The following ZNF487 variants were observed in gnomAD, a reference collection of about 807,000 sequenced individuals.
The protein encoded by ZNF487 is KRAB domain only 1.
Under a neutral mutation model 3.0 loss-of-function variants are expected in ZNF487, and 4 were observed. That is an observed-to-expected ratio of 1.35 (90% CI 0.66 to 3.08). The LOEUF is 3.08. ZNF487 is among the 30% of genes most tolerant of loss of function. The pLI is 0.01. For synonymous variants in ZNF487, 55 were observed against 34.6 expected, an observed-to-expected ratio of 1.59 and a Z score of -2.06; for missense variants, 146 against 98.7, an observed-to-expected ratio of 1.48 and a Z score of -2.03.
In ZNF487 at chr10:43,438,698, A is replaced by G. The variant is rs568361503; in HGVS notation, c.-94+1436A>G. On this transcript the variant is annotated intron_variant, in intron 1 of 3. Transcript: ENST00000437590. ...CATGTTCATAGCAGCATTATTTGCAATAGTCAAAAGGGAGAGGTAACCCCA... is the reference window on the plus strand; with the variant it reads ...CATGTTCATAGCAGCATTATTTGCAGTAGTCAAAAGGGAGAGGTAACCCCA... Among the ~76,000 whole-genome samples the G allele has an allele frequency of 4.6e-5, 7 of 152,298 alleles. No homozygotes were observed. The East Asian group carries it at 7.7e-4, about 17-fold the overall frequency.
chr10:43,471,004 TG>T (rs1163366676), intron 1 of ZNF487, among the ~76,000 whole-genome samples: 3 of 152,082 alleles, frequency 2.0e-5, no homozygotes, highest in African/African-American at 7.2e-5. Context: ...TGTATTTTTT[TG>T]TAGAGACGGG....
At chr10:43,462,116 C>A (rs1424829064) in intron 1 of ZNF487, among the ~76,000 whole-genome samples, 1 of 152,108 alleles carries the variant, frequency 6.6e-6, no homozygotes. Context: ...CTTAACATGA[C>A]TTTCTTTTTT....
intron 1 of ZNF487, among the ~76,000 whole-genome samples, chr10:43,465,687 GCTC>G (rs892688515): frequency 3.3e-5 from 5 of 150,396 alleles, no homozygotes; most frequent in Non-Finnish European, 5.9e-5. Context: ...GGGCAGAGAC[GCTC>G]CTCACTTTCC....
At chr10:43,502,759 G>A in the ZNF487 span, among the ~76,000 whole-genome samples, 50 of 152,144 alleles carry the variant, frequency 3.3e-4, no homozygotes, top group Middle Eastern at 3.4e-3. Context: ...GGCCAGGTGC[G>A]GTGGCTCATG....
the ZNF487 span, among the ~76,000 whole-genome samples, chr10:43,507,517 C>T: frequency 3.3e-5 from 5 of 152,228 alleles, no homozygotes; most frequent in African/African-American, 9.6e-5. Flanking sequence ...CTGTTGTAGC[C>T]CACAACCGAG....
intron 1 of ZNF487, among the ~76,000 whole-genome samples, chr10:43,475,096 C>A (rs1841047212): frequency 6.6e-6 from 1 of 152,106 alleles, no homozygotes; most frequent in East Asian, 1.9e-4. Context: ...AGACCCTGGG[C>A]AGATTCCCTT....
At chr10:43,504,805 C>G in the ZNF487 span, among the ~76,000 whole-genome samples, 1 of 150,946 alleles carries the variant, frequency 6.6e-6, no homozygotes, top group Non-Finnish European at 1.5e-5. Context: ...CTCCTGGATT[C>G]AAGCAATTCT....
intron 3 of ZNF487, among the ~76,000 whole-genome samples, chr10:43,477,885 C>T (rs1415476184): frequency 6.6e-6 from 1 of 150,528 alleles, no homozygotes; most frequent in Non-Finnish European, 1.5e-5. Flanking sequence ...GGGCAGCAGA[C>T]GTTGGAGTGA....
At chr10:43,439,717 T>A (rs1839515117) in intron 1 of ZNF487, among the ~76,000 whole-genome samples, 2 of 151,760 alleles carry the variant, frequency 1.3e-5, no homozygotes, top group African/African-American at 4.8e-5. Context: ...AATAAATAAA[T>A]AAGTGAAAAT....
chr10:43,454,835 C>T (rs1840117642), intron 1 of ZNF487, among the ~76,000 whole-genome samples: 1 of 150,022 alleles, frequency 6.7e-6, no homozygotes, highest in South Asian at 2.1e-4. Context: ...GGGAGTGAAT[C>T]ATGCCAAGTC....
chr10:43,509,753 G>C, the ZNF487 span, among the ~76,000 whole-genome samples: 3 of 152,054 alleles, frequency 2.0e-5, no homozygotes, highest in Non-Finnish European at 4.4e-5. Flanking sequence ...ATTAAGGTGG[G>C]TCTGCCTTTC....
At chr10:43,503,428 C>T in the ZNF487 span, among the ~76,000 whole-genome samples, 228 of 152,034 alleles carry the variant, frequency 1.5e-3, no homozygotes, top group Middle Eastern at 6.8e-3. Context: ...GAAAGGAAAA[C>T]TATTTTAAAA....
At chr10:43,504,873 A>G in the ZNF487 span, among the ~76,000 whole-genome samples, 2 of 150,418 alleles carry the variant, frequency 1.3e-5, no homozygotes, top group Admixed American at 6.6e-5. Context: ...CGCCTGGCTA[A>G]TTTTTTGTAT....
At chr10:43,450,350 T>C (rs1208605993) in intron 1 of ZNF487, among the ~76,000 whole-genome samples, 5 of 147,848 alleles carry the variant, frequency 3.4e-5, no homozygotes, top group Non-Finnish European at 7.4e-5. Context: ...GCCCGGCCTC[T>C]TTTTTGCTTT....
chr10:43,499,313 T>A, the ZNF487 span, among the ~76,000 whole-genome samples: 1 of 151,634 alleles, frequency 6.6e-6, no homozygotes, highest in African/African-American at 2.4e-5. Flanking sequence ...ACCAAAAAAA[T>A]AAAGAAACGG....
the ZNF487 span, among the ~76,000 whole-genome samples, chr10:43,498,605 GA>G: frequency 6.6e-6 from 1 of 151,200 alleles, no homozygotes; most frequent in South Asian, 2.1e-4. Flanking sequence ...TTGAGTTGGC[GA>G]AAAATGGGAT....
intron 1 of ZNF487, among the ~76,000 whole-genome samples, chr10:43,467,686 G>A (rs1360612434): frequency 6.6e-6 from 1 of 151,630 alleles, no homozygotes; most frequent in East Asian, 2.0e-4. Flanking sequence ...GTGTGGTGGT[G>A]CATACCTGTA....
the ZNF487 span, among the ~76,000 whole-genome samples, chr10:43,522,080 AG>A: frequency 6.6e-6 from 1 of 152,222 alleles, no homozygotes; most frequent in African/African-American, 2.4e-5. Context: ...TTGTTTCCAT[AG>A]CCTACATGTA....
the ZNF487 span, among the ~76,000 whole-genome samples, chr10:43,491,564 C>T: frequency 6.6e-6 from 1 of 151,756 alleles, no homozygotes; most frequent in Non-Finnish European, 1.5e-5. Context: ...CCTGCCCGTT[C>T]CACAGACACT....
Sources: allele counts gnomAD v4.1 joint callset (sites outside exome capture counted in the v4.1 genomes callset), GRCh38; gene constraint gnomAD v4.1.1; transcripts MANE v1.5; gene names NCBI Gene and HGNC (gene_info 2026-07-23, HGNC 2026-07-21).